Variants in CDC14B observed in about 807,000 individuals in gnomAD.
CDC14B encodes the protein cell division cycle 14B, also known as dual specificity protein phosphatase CDC14B.
Under a neutral mutation model 64.2 loss-of-function variants are expected in CDC14B, and 22 were observed. The ratio of observed to expected loss-of-function variants is 0.34; its 90% CI spans 0.24 to 0.49. CDC14B has a LOEUF of 0.49. Among genes scored for constraint, CDC14B ranks in the 20% least tolerant of loss-of-function variants. The pLI is 0.99. For synonymous variants in CDC14B, 191 were observed against 215.8 expected (o/e 0.89, Z 1.01); for missense variants, 498 against 629.9 (o/e 0.79, Z 2.24).
chr9:96,575,810 T>C (rs1844766659), intron 1 of CDC14B, among the ~76,000 whole-genome samples: 1 of 152,000 alleles, frequency 6.6e-6, no homozygotes, highest in Non-Finnish European at 1.5e-5. Flanking sequence ...GAAAGTGAGA[T>C]ACCATCTCTA....
intron 4 of CDC14B, among the ~76,000 whole-genome samples, chr9:96,553,360 C>CTTTTT (rs113951578): frequency 5.8e-5 from 8 of 138,576 alleles, no homozygotes; most frequent in Non-Finnish European, 9.4e-5. Flanking sequence ...CTTTTCTTTT[C>CTTTTT]TTTTTTTTTT....
At chr9:96,616,937 T>C (rs1170549097) in intron 1 of CDC14B, among the ~76,000 whole-genome samples, 2 of 152,112 alleles carry the variant, frequency 1.3e-5, no homozygotes, top group Non-Finnish European at 2.9e-5. Context: ...ATTGGCCTTG[T>C]ATATCACACT....
At chr9:96,538,442 G>A (rs1203325563) in intron 7 of CDC14B, among the ~76,000 whole-genome samples, 5 of 152,154 alleles carry the variant, frequency 3.3e-5, no homozygotes, top group Middle Eastern at 3.2e-3. Flanking sequence ...AAACAGGGCC[G>A]TGCACAGTGG....
At chr9:96,552,034 T>G (rs554519452) in intron 4 of CDC14B, among the ~76,000 whole-genome samples, 162 bp from the exon 5 acceptor site, 26 of 152,346 alleles carry the variant, frequency 1.7e-4, no homozygotes, top group Admixed American at 1.6e-3. Flanking sequence ...TAGATTTCTT[T>G]TTTGTTTAAA....
chr9:96,562,471 A>T, intron 4 of CDC14B: 1 of 483,576 alleles, frequency 2.1e-6, no homozygotes, highest in Non-Finnish European at 3.7e-6. Context: ...GAGCAGTTTT[A>T]GGTTCACAGC....
chr9:96,588,191 G>A (rs1845566129), intron 1 of CDC14B, among the ~76,000 whole-genome samples: 1 of 152,106 alleles, frequency 6.6e-6, no homozygotes, highest in African/African-American at 2.4e-5. Context: ...GAGGGAGTGG[G>A]CTGTTCACTG....
chr9:96,609,538 A>C (rs1476101598), intron 1 of CDC14B, among the ~76,000 whole-genome samples: 3 of 152,192 alleles, frequency 2.0e-5, no homozygotes, highest in Admixed American at 1.3e-4. Flanking sequence ...TGTTGAATGG[A>C]TACATTAATT....
At chr9:96,572,432 C>T (rs995071511) in intron 1 of CDC14B, among the ~76,000 whole-genome samples, 3 of 151,946 alleles carry the variant, frequency 2.0e-5, no homozygotes, top group Non-Finnish European at 4.4e-5. Context: ...TAGGAGGACA[C>T]CCAACTGGTG....
intron 4 of CDC14B, among the ~76,000 whole-genome samples, chr9:96,553,030 G>T (rs548498524): frequency 2.0e-5 from 3 of 152,284 alleles, no homozygotes; most frequent in Non-Finnish European, 2.9e-5. Context: ...GCATTCTGAA[G>T]TTGGGACCCA....
chr9:96,550,833 G>A (rs1431031929), intron 5 of CDC14B, among the ~76,000 whole-genome samples: 1 of 152,178 alleles, frequency 6.6e-6, no homozygotes, highest in African/African-American at 2.4e-5. Flanking sequence ...TGCTAAGTTT[G>A]AGATGATGTC....
At chr9:96,553,870 C>A (rs1160426750) in intron 4 of CDC14B, among the ~76,000 whole-genome samples, 1 of 151,748 alleles carries the variant, frequency 6.6e-6, no homozygotes, top group African/African-American at 2.4e-5. Context: ...AAACAAAAAA[C>A]AAAACCTAAA....
At chr9:96,608,159 A>C (rs1400803147) in intron 1 of CDC14B, among the ~76,000 whole-genome samples, 1 of 152,102 alleles carries the variant, frequency 6.6e-6, no homozygotes, top group Non-Finnish European at 1.5e-5. Context: ...AATCTCTACC[A>C]CATCTTTTTC....
At chr9:96,606,210 G>A in intron 1 of CDC14B, among the ~76,000 whole-genome samples, 1 of 150,930 alleles carries the variant, frequency 6.6e-6, no homozygotes, top group Non-Finnish European at 1.5e-5. Flanking sequence ...ATGTGTGCCT[G>A]TAGTCCCAGC....
intron 1 of CDC14B, among the ~76,000 whole-genome samples, chr9:96,577,534 G>A (rs1213782171): frequency 6.6e-6 from 1 of 151,890 alleles, no homozygotes; most frequent in East Asian, 1.9e-4. Context: ...AATAATTCTG[G>A]CTCTCCACAT....
chr9:96,561,635 C>T (rs1263891198), intron 4 of CDC14B, among the ~76,000 whole-genome samples: 1 of 151,700 alleles, frequency 6.6e-6, no homozygotes, highest in South Asian at 2.1e-4. Flanking sequence ...CCCGCCACCA[C>T]GCCCGGCTCA....
At chr9:96,605,415 C>T (rs1029291953) in intron 1 of CDC14B, among the ~76,000 whole-genome samples, 5 of 152,146 alleles carry the variant, frequency 3.3e-5, no homozygotes, top group Admixed American at 6.5e-5. Context: ...AAATATCCCA[C>T]GCCCTCAACC....
chr9:96,557,035 A>G lies in CDC14B; in HGVS notation c.421-5163T>C, dbSNP rs184167351. The stretch of plus-strand genomic sequence containing the variant: ...CAGAAAGCTTAACGGATCTGCAGTC[A>G]AGGATCTTAAGCTATCAGAGAGCCA... On this transcript the variant is annotated intron_variant, in intron 4 of 13. Transcript: ENST00000375241. Among the ~76,000 whole-genome samples, 29 of 152,358 alleles carry G rather than the reference A, an allele frequency of 1.9e-4. 1 individual carries two copies. The East Asian group carries it at 3.3e-3, about 17-fold the overall frequency.
intron 1 of CDC14B, among the ~76,000 whole-genome samples, chr9:96,600,133 G>A (rs1306478780): frequency 2.6e-5 from 4 of 151,760 alleles, no homozygotes; most frequent in Non-Finnish European, 5.9e-5. Flanking sequence ...GATGGCTCTC[G>A]CCTGTAATCC....
At position 96,534,051 on chromosome 9, in the gene CDC14B, C is replaced by T. The variant is rs563059545; in HGVS notation, c.822G>A (p.Thr274=). The change falls in exon 9 of 14, where the codon ACG becomes ACA. Residue 274 remains threonine, a synonymous_variant. Transcript: ENST00000375241. The part of the protein sequence containing the change: ...NKRMYDAKRF[T]DAGFDHHDLF... ...GATCATGGTGATCGAAGCCAGCATC[C>T]GTAAAGCGTTTGGCATCATACATCC... 1.2e-4 allele frequency: 197 copies of T among 1,613,028 alleles called. 4 individuals carry two copies. In the South Asian group the frequency reaches 1.4e-3, roughly 11 times the overall value.
Sources: gnomAD v4.1 joint callset for allele counts (sites outside exome capture counted in the v4.1 genomes callset) on GRCh38, gnomAD v4.1.1 for gene constraint, MANE v1.5 for transcripts, NCBI Gene and HGNC (gene_info 2026-07-23, HGNC 2026-07-21) for gene names.